Variants in PCDHGA5 observed in about 807,000 individuals in gnomAD.
PCDHGA5 encodes the protein protocadherin gamma-A5.
PCDHGA5 carries 36 observed loss-of-function variants against 56.7 expected under a neutral mutation model. That is an observed-to-expected ratio of 0.64 (90% CI 0.49 to 0.84). The LOEUF is 0.84. Among genes scored for constraint, PCDHGA5 ranks in the 40% least tolerant of loss-of-function variants. The pLI is 0.00. For synonymous variants in PCDHGA5, 563 were observed against 520.2 expected, an observed-to-expected ratio of 1.08 and a Z score of -1.12; for missense variants, 1,305 against 1,201.5, an observed-to-expected ratio of 1.09 and a Z score of -1.27.
rs1255326344 is a variant in PCDHGA5, at chr5:141,431,636, A to G, written c.2422-63171A>G. 6.2e-7 allele frequency: 1 copy of G among 1,614,254 alleles called. No homozygotes were observed. ...GGACGACAAGGCGGCCCAAGTTTTC[A>G]AACTAGATTGTAATTCAGGGACAAT... On this transcript the variant is annotated intron_variant, in intron 1 of 3. Transcript: ENST00000518069. This position sits in a 1 kb window ranked among gnomAD's most constrained non-coding sequence, Gnocchi z 4.8.
chr5:141,394,535 C>T, intron 1 of PCDHGA5: 1 of 1,614,210 alleles, frequency 6.2e-7, no homozygotes, highest in Non-Finnish European at 8.5e-7. Flanking sequence ...GTTCCACTGG[C>T]GTGGAGCTGG....
intron 1 of PCDHGA5, chr5:141,387,722 C>G: frequency 8.6e-7 from 1 of 1,159,212 alleles, no homozygotes; most frequent in Non-Finnish European, 1.2e-6. Flanking sequence ...TCAGACTCCC[C>G]AGCGCCAGCC....
chr5:141,485,106 T>A lies in PCDHGA5; in HGVS notation c.2422-9701T>A, dbSNP rs2099607051. 8.3e-7 allele frequency: 1 copy of A among 1,206,448 alleles called. No individual in the cohort carries two copies. Among genetic ancestry groups the A allele is most frequent in the Admixed American group, 1.8e-5 (1 of 55,050 alleles). 74.7% of individuals were successfully genotyped at this position (1,206,448 alleles called of 1,614,324 possible). On this transcript the variant is annotated intron_variant, in intron 1 of 3. Coordinates refer to ENST00000518069, the MANE Select transcript of PCDHGA5 (RefSeq NM_018918.3). The surrounding 1 kb of genome is among the most constrained non-coding windows in gnomAD (Gnocchi z 5.7). ...GGGAGATAGGTGTCTCCAGCTGCTG[T>A]GGCTGTTTGGGGCGGGTCGGCTTCA...
chr5:141,365,671 C>G lies in PCDHGA5; in HGVS notation c.1341C>G (p.Asp447Glu). 1 of 1,613,394 alleles carries G rather than the reference C, an allele frequency of 6.2e-7. No homozygotes were observed. Among genetic ancestry groups the G allele is most frequent in the Admixed American group, 1.7e-5 (1 of 60,004 alleles). The change falls in exon 1 of 4, where the codon GAC becomes GAG. Residue 447 changes from aspartate (D) to glutamate (E), a missense_variant. Coordinates refer to ENST00000518069, the MANE Select transcript of PCDHGA5 (RefSeq NM_018918.3). ...CCTTGAAAGTAGCAGACGTTAATGACAACCCACCCAATTTCCCTCAAGCCT... is the reference window on the plus strand; with the variant it reads ...CCTTGAAAGTAGCAGACGTTAATGAGAACCCACCCAATTTCCCTCAAGCCT... ...HIPLKVADVNDNPPNFPQASY... is the reference protein window; with the variant it reads ...HIPLKVADVNENPPNFPQASY...
At chr5:141,471,786 A>G (rs1043196530) in intron 1 of PCDHGA5, among the ~76,000 whole-genome samples, 6 of 152,244 alleles carry the variant, frequency 3.9e-5, no homozygotes, top group African/African-American at 1.4e-4. Flanking sequence ...ACATTATGCT[A>G]TGTCATATAA....
chr5:141,415,149 C>T, intron 1 of PCDHGA5: 1 of 1,613,796 alleles, frequency 6.2e-7, no homozygotes, highest in Middle Eastern at 1.6e-4. Context: ...AGCCCCCTCT[C>T]TCCGCCACTG....
In PCDHGA5 at chr5:141,432,866, G is replaced by C. The variant is rs139832920; in HGVS notation, c.2422-61941G>C. 8 of 1,614,152 alleles carry C rather than the reference G, an allele frequency of 5.0e-6. No individual in the cohort carries two copies. Among genetic ancestry groups the C allele is most frequent in the South Asian group, 2.2e-5 (2 of 91,074 alleles). On this transcript the variant is annotated intron_variant, in intron 1 of 3. Coordinates refer to ENST00000518069, the MANE Select transcript of PCDHGA5 (RefSeq NM_018918.3). The surrounding 1 kb of genome is among the most constrained non-coding windows in gnomAD (Gnocchi z 6.0). ...GGTAGCGGTGGCCGCGGTCTCCTGC[G>C]TCTTCCTGGCCTTCGTCATCTTGCT...
chr5:141,421,477 A>G (rs755936665), intron 1 of PCDHGA5: 23 of 1,614,022 alleles, frequency 1.4e-5, no homozygotes, highest in Non-Finnish European at 1.7e-6. Context: ...GCGAAGCGGC[A>G]GCTTGATCAC....
At chr5:141,495,020 C>G in intron 2 of PCDHGA5, 155 bp downstream of exon 2, 1 of 976,790 alleles carries the variant, frequency 1.0e-6, no homozygotes, top group Non-Finnish European at 1.2e-6. Context: ...GGCTGGCACA[C>G]AGACCCCGGA....
chr5:141,388,336 G>C, intron 1 of PCDHGA5: 2 of 1,613,966 alleles, frequency 1.2e-6, no homozygotes, highest in South Asian at 1.1e-5. Context: ...CCTGGCACAC[G>C]ATTTATATTA....
chr5:141,414,725 T>C (rs1303775655), intron 1 of PCDHGA5: 8 of 1,613,970 alleles, frequency 5.0e-6, no homozygotes, highest in African/African-American at 1.3e-5. Flanking sequence ...GACACTGGCG[T>C]CCTGTATGCA....
intron 3 of PCDHGA5, among the ~76,000 whole-genome samples, chr5:141,509,815 TCTC>T (rs1596250992): frequency 6.6e-6 from 1 of 152,226 alleles, no homozygotes; most frequent in East Asian, 1.9e-4. Flanking sequence ...GCCGAGCTCT[TCTC>T]CATCTTCTCT....
chr5:141,474,563 A>G lies in PCDHGA5; in HGVS notation c.2422-20244A>G, dbSNP rs143794984. 1.4e-3 allele frequency among the ~76,000 whole-genome samples: 210 copies of G among 152,332 alleles called. 2 individuals are homozygous for G. The highest frequency in any genetic ancestry group is 5.0e-3 in the African/African-American group (207 of 41,572). ...TGAGCATTTAAAACTGGGGGTTTTC[A>G]GAGATTAATTGAAGTGTTAAAGACA... On this transcript the variant is annotated intron_variant, in intron 1 of 3. Coordinates refer to ENST00000518069, the MANE Select transcript of PCDHGA5 (RefSeq NM_018918.3).
chr5:141,389,770 C>A, intron 1 of PCDHGA5: 4 of 1,613,166 alleles, frequency 2.5e-6, no homozygotes, highest in Non-Finnish European at 3.4e-6. Context: ...ACAGCGCGTG[C>A]CTTAGGCGAC....
At chr5:141,506,308 G>A (rs941724820) in intron 3 of PCDHGA5, among the ~76,000 whole-genome samples, 8 of 152,100 alleles carry the variant, frequency 5.3e-5, no homozygotes. Flanking sequence ...AATTAGCTGG[G>A]CATGGTGGTG....
At chr5:141,405,545 AAGTAGAGTAGCTGGGACTAG>A (rs1053729516) in intron 1 of PCDHGA5, 17 of 631,162 alleles carry the variant, frequency 2.7e-5, no homozygotes, top group African/African-American at 9.2e-5. Flanking sequence ...TCAGCCTCCC[AAGTAGAGTAGCTGGGACTAG>A]AGTAGAGTAG....
chr5:141,472,281 C>A (rs944776124), intron 1 of PCDHGA5, among the ~76,000 whole-genome samples: 2 of 152,202 alleles, frequency 1.3e-5, no homozygotes, highest in Non-Finnish European at 2.9e-5. Context: ...GTGGCTCACA[C>A]CTGTAATCCC....
chr5:141,374,849 C>A (rs1770893112), intron 1 of PCDHGA5: 3 of 1,613,636 alleles, frequency 1.9e-6, no homozygotes, highest in South Asian at 1.1e-5. Context: ...TGAAAACCTG[C>A]CAGTAGGCAC....
At chr5:141,483,637 G>A (rs1365525499) in intron 1 of PCDHGA5, among the ~76,000 whole-genome samples, 1 of 145,878 alleles carries the variant, frequency 6.9e-6, no homozygotes, top group South Asian at 2.1e-4. Flanking sequence ...AAGGTATAGA[G>A]GGGTGTGTGT....
Sources: gnomAD v4.1 joint callset for allele counts (sites outside exome capture counted in the v4.1 genomes callset) on GRCh38, gnomAD v4.1.1 for gene constraint, Gnocchi (gnomAD v3.1) non-coding constraint, MANE v1.5 for transcripts, NCBI Gene and HGNC (gene_info 2026-07-23, HGNC 2026-07-21) for gene names.